Variants in RERE observed in about 807,000 individuals in gnomAD.
RERE encodes the protein arginine-glutamic acid dipeptide repeats protein.
Under a neutral mutation model 146.1 loss-of-function variants are expected in RERE, and 40 were observed. The ratio of observed to expected loss-of-function variants is 0.27; its 90% confidence interval spans 0.21 to 0.36. RERE has a LOEUF of 0.36. Ranked by LOEUF, RERE falls within the 10% of genes least tolerant of loss-of-function variation. The pLI is 1.00. For missense variants in RERE, 1,933 were observed against 2,138.7 expected (o/e 0.90, Z 1.90); for synonymous variants, 1,003 against 866.0 (o/e 1.16, Z -2.78).
chr1:8,520,747 A>C (rs1645482558), intron 7 of RERE, among the ~76,000 whole-genome samples: 1 of 60,560 alleles, frequency 1.7e-5, no homozygotes, highest in Admixed American at 2.0e-4. Context: ...TCAGCCAAAA[A>C]ACTTTTTAAA....
chr1:8,564,351 C>A (rs1218833658), intron 4 of RERE, among the ~76,000 whole-genome samples: 2 of 152,062 alleles, frequency 1.3e-5, no homozygotes, highest in Non-Finnish European at 2.9e-5. Context: ...AGTCTAAACA[C>A]AAAATTTATT....
At chr1:8,505,436 G>C (rs1039141833) in intron 8 of RERE, among the ~76,000 whole-genome samples, 1 of 152,156 alleles carries the variant, frequency 6.6e-6, no homozygotes, top group Admixed American at 6.5e-5. Flanking sequence ...AAATGGGTTT[G>C]ACTAGGATTT....
At chr1:8,394,164 C>A (rs1642975865) in intron 12 of RERE, among the ~76,000 whole-genome samples, 1 of 152,194 alleles carries the variant, frequency 6.6e-6, no homozygotes. Flanking sequence ...ATTTCTAATG[C>A]AGGTGGCTCT....
chr1:8,446,033 T>A (rs1362568074), intron 11 of RERE, among the ~76,000 whole-genome samples: 1 of 152,224 alleles, frequency 6.6e-6, no homozygotes, highest in Non-Finnish European at 1.5e-5. Flanking sequence ...TAGTGCTTCC[T>A]TCAGGAGCTC....
At chr1:8,496,150 T>TAAAAAAAAAAAAAAAAA (rs36115213) in intron 9 of RERE, among the ~76,000 whole-genome samples, 4 of 118,428 alleles carry the variant, frequency 3.4e-5, no homozygotes, top group African/African-American at 1.4e-4. Flanking sequence ...GACCCTGTCT[T>TAAAAAAAAAAAAAAAAA]AAAAAAAAAA....
At chr1:8,426,774 A>G (rs966758073) in intron 11 of RERE, among the ~76,000 whole-genome samples, 23 of 152,164 alleles carry the variant, frequency 1.5e-4, no homozygotes, top group African/African-American at 5.3e-4. Flanking sequence ...AGTAATGCCA[A>G]CTGGCCCACA....
rs566267130 is a variant in RERE, at chr1:8,528,993, C to A, written c.830+12221G>T. Among the ~76,000 whole-genome samples the A allele has an allele frequency of 6.6e-5, 10 of 152,254 alleles. 1 individual carries two copies. In the South Asian group the frequency reaches 1.4e-3, roughly 22 times the overall value. On this transcript the variant is annotated intron_variant, in intron 7 of 22. Coordinates refer to ENST00000400908, the MANE Select transcript of RERE (RefSeq NM_001042681.2). The stretch of plus-strand genomic sequence containing the variant: ...GCATCACTTCGGTGCTCAAAGCATT[C>A]TGGATTTTGAAGCATTTTAGATTTC...
At chr1:8,447,474 G>A (rs189325038) in intron 11 of RERE, among the ~76,000 whole-genome samples, 42 of 152,282 alleles carry the variant, frequency 2.8e-4, no homozygotes, top group South Asian at 2.5e-3. Context: ...TTCAGATGGG[G>A]TTTCTGTGTG....
Position 8,419,930 on chromosome 1 carries a change from A to T in RERE, c.1284+2797T>A, listed in dbSNP as rs771327195. Among the ~76,000 whole-genome samples the T allele has an allele frequency of 3.9e-5, 6 of 152,332 alleles. No homozygotes were observed. In the East Asian group the frequency reaches 9.6e-4, roughly 24 times the overall value. ...GCAGAGAAACACCATTTTACAGAAA[A>T]TAACTTCCCAGTGTTGTCAAGATTT... On this transcript the variant is annotated intron_variant, in intron 12 of 22. Transcript: ENST00000400908.
At chr1:8,669,849 G>A (rs761264942) in intron 1 of RERE, among the ~76,000 whole-genome samples, 2 of 152,194 alleles carry the variant, frequency 1.3e-5, no homozygotes, top group Non-Finnish European at 2.9e-5. Flanking sequence ...AGCGTGTGAT[G>A]AAAGGAAATG....
intron 11 of RERE, among the ~76,000 whole-genome samples, chr1:8,455,407 T>C (rs1644442429): frequency 6.6e-6 from 1 of 152,082 alleles, no homozygotes; most frequent in African/African-American, 2.4e-5. Flanking sequence ...ACTGAGCTCT[T>C]TCCTTCTCCA....
intron 10 of RERE, among the ~76,000 whole-genome samples, chr1:8,473,037 T>C (rs1644709425): frequency 6.6e-6 from 1 of 152,228 alleles, no homozygotes; most frequent in African/African-American, 2.4e-5. Flanking sequence ...CACTGATTTC[T>C]TGAACAATCC....
intron 12 of RERE, among the ~76,000 whole-genome samples, chr1:8,404,313 G>C (rs1643373762): frequency 6.6e-6 from 1 of 152,150 alleles, no homozygotes; most frequent in South Asian, 2.1e-4. Context: ...GGTACTCGGA[G>C]AGGCTGAGGC....
At chr1:8,661,081 G>A (rs1557464705) in intron 1 of RERE, among the ~76,000 whole-genome samples, 1 of 87,378 alleles carries the variant, frequency 1.1e-5, no homozygotes, top group African/African-American at 4.9e-5. Flanking sequence ...AATCTAAGGG[G>A]GACACAGTGT....
intron 1 of RERE, among the ~76,000 whole-genome samples, chr1:8,767,600 G>C (rs1640871469): frequency 7.7e-6 from 1 of 129,560 alleles, no homozygotes; most frequent in East Asian, 2.0e-4. Flanking sequence ...GTGAGGCCTT[G>C]TCTCAAAAAA....
At chr1:8,450,193 A>G (rs532678086) in intron 11 of RERE, among the ~76,000 whole-genome samples, 1 of 152,186 alleles carries the variant, frequency 6.6e-6, no homozygotes, top group East Asian at 1.9e-4. Flanking sequence ...TACAGCCAAC[A>G]CTTGAATCTG....
intron 1 of RERE, chr1:8,703,266 G>A (rs1459872335): frequency 6.7e-6 from 1 of 149,718 alleles, no homozygotes; most frequent in Non-Finnish European, 1.5e-5. Context: ...TGGCGGCTCC[G>A]GGAGGCGGTG....
intron 16 of RERE, 74 bp downstream of exon 16, chr1:8,362,609 T>C: frequency 3.2e-6 from 5 of 1,579,658 alleles, no homozygotes; most frequent in Non-Finnish European, 4.3e-6. Flanking sequence ...AGGGAGCTGA[T>C]CACGAATACC....
At chr1:8,671,891 A>G (rs963991860) in intron 1 of RERE, among the ~76,000 whole-genome samples, 1 of 152,200 alleles carries the variant, frequency 6.6e-6, no homozygotes, top group Non-Finnish European at 1.5e-5. Flanking sequence ...ATGAAAAGGT[A>G]AAACTGGATC....
Sources: gnomAD v4.1 joint callset for allele counts (sites outside exome capture counted in the v4.1 genomes callset) on GRCh38, gnomAD v4.1.1 for gene constraint, MANE v1.5 for transcripts, NCBI Gene and HGNC (gene_info 2026-07-23, HGNC 2026-07-21) for gene names.